The following ZNF18 variants were observed in gnomAD, a reference collection of about 807,000 sequenced individuals.
The protein encoded by ZNF18 is zinc finger protein 18.
Under a neutral mutation model 58.1 loss-of-function variants are expected in ZNF18, and 42 were observed. The observed-to-expected ratio is 0.72, with a 90% CI of 0.56 to 0.93. ZNF18 has a LOEUF of 0.93. Among genes scored for constraint, ZNF18 ranks in the 40% least tolerant of loss-of-function variants. The pLI is 0.00. For missense variants in ZNF18, 540 were observed against 644.2 expected (o/e 0.84, Z 1.75); for synonymous variants, 231 against 239.8 (o/e 0.96, Z 0.34).
the ZNF18 span, among the ~76,000 whole-genome samples, chr17:12,004,756 G>A: frequency 1.4e-4 from 21 of 151,530 alleles, no homozygotes; most frequent in Non-Finnish European, 1.5e-5. Flanking sequence ...GTGTGGTGGC[G>A]CATGCCTATA....
chr17:11,986,332 C>T (rs1394163997), intron 4 of ZNF18, among the ~76,000 whole-genome samples: 2 of 152,154 alleles, frequency 1.3e-5, no homozygotes, highest in Admixed American at 1.3e-4. Context: ...CGGACTAATA[C>T]ACTCTCAGTC....
In ZNF18 at chr17:11,977,941, A is replaced by C. The variant is rs1430242057; in HGVS notation, c.*16T>G. 1 of 1,538,096 alleles carries C rather than the reference A, an allele frequency of 6.5e-7. No individual in the cohort carries two copies. Among genetic ancestry groups the C allele is most frequent in the East Asian group, 2.3e-5 (1 of 44,364 alleles). On this transcript the variant is annotated 3_prime_UTR_variant, in exon 7 of 7. Transcript: ENST00000580306. ...GGCTGGGAGATAGAAATGGGGAAAG[A>C]GAGTTTGGTTACTGGCTATTGAAAG...
chr17:11,992,947 A>T lies in ZNF18; in HGVS notation c.-82-36T>A, dbSNP rs1191790440. The T allele has an allele frequency of 2.8e-5, 34 of 1,193,390 alleles. 1 individual carries two copies. In the East Asian group the frequency reaches 8.7e-4, roughly 30 times the overall value. The allele number at this position is 1,193,390 out of a possible 1,614,324, so 73.9% of individuals were successfully genotyped here. ...AATGAGATTGAGTGCTACACAGAGG[A>T]AGGGGACACATTTTCAGAAAGAACA... is the stretch of plus-strand genomic sequence containing the variant. On this transcript the variant is annotated intron_variant, in intron 1 of 6. Transcript: ENST00000580306.
At chr17:11,979,129 TA>T (rs58938122) in intron 6 of ZNF18, among the ~76,000 whole-genome samples, 1,658 of 145,718 alleles carry the variant, frequency 0.011, 33 homozygotes, top group African/African-American at 0.039. Flanking sequence ...ATATGGTAAC[TA>T]AAAAAAAAAA....
chr17:11,991,037 A>G lies in ZNF18; in HGVS notation c.514T>C (p.Ser172Pro). ...PQELGLENSSSGPGELLSHIV... is the reference protein window; with the variant it reads ...PQELGLENSSPGPGELLSHIV... The stretch of plus-strand genomic sequence containing the variant: ...TGGCTCAGAAGCTCCCCAGGCCCTG[A>G]GGATGAATTCTCAAGTCCCAACTCC... The change falls in exon 3 of 7, where the codon TCA becomes CCA. Residue 172 changes from serine (S) to proline (P), a missense_variant. Coordinates refer to ENST00000580306, the MANE Select transcript of ZNF18 (RefSeq NM_001303281.2). 1 of 1,614,172 alleles carries G rather than the reference A, an allele frequency of 6.2e-7. No individual in the cohort carries two copies. The highest frequency in any genetic ancestry group is 1.1e-5 in the South Asian group (1 of 91,084).
the ZNF18 span, among the ~76,000 whole-genome samples, chr17:12,005,637 AC>A: frequency 6.6e-6 from 1 of 152,274 alleles, no homozygotes; most frequent in South Asian, 2.1e-4. Flanking sequence ...TCAAAAATAA[AC>A]TGAATTTAGA....
upstream of ZNF18, among the ~76,000 whole-genome samples, chr17:11,998,609 A>G (rs549912277): frequency 1.1e-3 from 166 of 151,506 alleles, no homozygotes; most frequent in Non-Finnish European, 1.5e-3. Context: ...TGTCATTATC[A>G]TAACATGTCC....
the ZNF18 span, among the ~76,000 whole-genome samples, chr17:12,012,688 T>G: frequency 3.3e-5 from 5 of 151,784 alleles, no homozygotes; most frequent in South Asian, 1.0e-3. Flanking sequence ...ATTTACATCT[T>G]TTTTTTTAGA....
chr17:11,984,722 T>G (rs563638507), intron 4 of ZNF18, among the ~76,000 whole-genome samples: 1 of 152,134 alleles, frequency 6.6e-6, no homozygotes, highest in South Asian at 2.1e-4. Flanking sequence ...ACCATCAGGA[T>G]GGTCTCGATC....
At chr17:11,984,797 T>G (rs59789348) in intron 4 of ZNF18, among the ~76,000 whole-genome samples, 4 of 152,228 alleles carry the variant, frequency 2.6e-5, no homozygotes, top group East Asian at 3.9e-4. Flanking sequence ...GTGAGCCACC[T>G]TGCCTGGCCG....
At chr17:12,005,707 G>A in the ZNF18 span, among the ~76,000 whole-genome samples, 1 of 151,978 alleles carries the variant, frequency 6.6e-6, no homozygotes, top group Non-Finnish European at 1.5e-5. Flanking sequence ...ATAATGAGGT[G>A]TATTATATTT....
intron 1 of ZNF18, chr17:11,993,420 A>G (rs567216486): frequency 6.6e-6 from 1 of 152,606 alleles, no homozygotes; most frequent in Admixed American, 6.5e-5. Context: ...AAAAGGTGTA[A>G]TGAAACTTCC....
chr17:11,997,904 G>A (rs969197033), upstream of ZNF18, among the ~76,000 whole-genome samples: 17 of 152,120 alleles, frequency 1.1e-4, no homozygotes, highest in African/African-American at 3.1e-4. Context: ...GGGCCTCCCT[G>A]AGACACTTGA....
At chr17:12,013,472 T>C in the ZNF18 span, among the ~76,000 whole-genome samples, 2 of 152,214 alleles carry the variant, frequency 1.3e-5, no homozygotes, top group Admixed American at 1.3e-4. Flanking sequence ...AGATTTTTGA[T>C]CCATTTGGAA....
intron 5 of ZNF18, among the ~76,000 whole-genome samples, chr17:11,983,867 T>G (rs1387406208): frequency 6.6e-6 from 1 of 152,150 alleles, no homozygotes; most frequent in Non-Finnish European, 1.5e-5. Flanking sequence ...ATTTCATAGA[T>G]TAAAGAAGTT....
chr17:11,986,502 G>A (rs1186401543), intron 4 of ZNF18, among the ~76,000 whole-genome samples: 3 of 152,172 alleles, frequency 2.0e-5, no homozygotes, highest in South Asian at 2.1e-4. Flanking sequence ...GCTGAAAAGC[G>A]ACCTCAATAT....
At position 11,991,012 on chromosome 17, in the gene ZNF18, T is replaced by A. The variant is rs1291960645; in HGVS notation, c.539A>T (p.His180Leu). The A allele has an allele frequency of 6.2e-7, 1 of 1,614,182 alleles. No individual in the cohort carries two copies. Among genetic ancestry groups the A allele is most frequent in the Non-Finnish European group, 8.5e-7 (1 of 1,180,024 alleles). Reference sequence around the variant, plus strand: ...TGTGTCAGATTCCTCTTTCACGATGTGGCTCAGAAGCTCCCCAGGCCCTGA... The same window carrying A: ...TGTGTCAGATTCCTCTTTCACGATGAGGCTCAGAAGCTCCCCAGGCCCTGA... ...SSSGPGELLS[H>L]IVKEESDTEA... The change falls in exon 3 of 7, where the codon CAC becomes CTC. Residue 180 changes from histidine to leucine, a missense_variant. His to Leu is a moderately conservative substitution (Grantham distance 99). Transcript: ENST00000580306.
Position 11,978,626 on chromosome 17 carries a change from GC to G in ZNF18, c.980del (p.Gly327AlafsTer44). 6.2e-7 allele frequency: 1 copy of G among 1,613,960 alleles called. No homozygotes were observed. Among genetic ancestry groups the G allele is most frequent in the Non-Finnish European group, 8.5e-7 (1 of 1,179,988 alleles). On this transcript the variant is annotated frameshift_variant, in exon 7 of 7. Coordinates refer to ENST00000580306, the MANE Select transcript of ZNF18 (RefSeq NM_001303281.2). LOFTEE classifies it high-confidence loss of function. Reference sequence around the variant, plus strand: ...ATCCTGGCTCATCCTCAGTGAAGAAGCCCCTCAAGGAAGCCTGAGAAGGAAC... The same window carrying G: ...ATCCTGGCTCATCCTCAGTGAAGAAGCCCTCAAGGAAGCCTGAGAAGGAAC... ...GEVPSQASLR[G>X]FFTEDEPGCF...
the ZNF18 span, chr17:12,020,780 C>A: frequency 1.5e-5 from 7 of 453,772 alleles, no homozygotes; most frequent in Non-Finnish European, 2.4e-5. Context: ...CGGGGCGTGT[C>A]GGAGGCGGGG....
Sources: gnomAD v4.1 joint callset for allele counts (sites outside exome capture counted in the v4.1 genomes callset) on GRCh38, gnomAD v4.1.1 for gene constraint, MANE v1.5 for transcripts, NCBI Gene and HGNC (gene_info 2026-07-23, HGNC 2026-07-21) for gene names.